Variants in SH3PXD2B observed in about 807,000 individuals in gnomAD.
SH3PXD2B encodes the protein SH3 and PX domain-containing protein 2B.
A neutral mutation model predicts 73.1 loss-of-function variants in SH3PXD2B; 37 were observed. The observed-to-expected ratio is 0.51, with a 90% CI of 0.39 to 0.67. SH3PXD2B has a LOEUF of 0.67. Ranked by LOEUF, SH3PXD2B falls within the 30% of genes least tolerant of loss-of-function variation. The pLI is 0.00. For synonymous variants in SH3PXD2B, 457 were observed against 480.5 expected (o/e 0.95, Z 0.64); for missense variants, 1,053 against 1,197.8 (o/e 0.88, Z 1.78).
At chr5:172,429,704 C>A (rs1206945495) in intron 1 of SH3PXD2B, among the ~76,000 whole-genome samples, 1 of 152,180 alleles carries the variant, frequency 6.6e-6, no homozygotes, top group Non-Finnish European at 1.5e-5. Context: ...TCTTCCAAAT[C>A]CCCGAGCCAG....
chr5:172,368,970 C>T (rs1199504423), intron 6 of SH3PXD2B, among the ~76,000 whole-genome samples: 2 of 148,776 alleles, frequency 1.3e-5, no homozygotes, highest in Non-Finnish European at 3.0e-5. Context: ...TCTCGGTTCA[C>T]TGCAACCACT....
At chr5:172,378,690 T>C (rs1466113636) in intron 5 of SH3PXD2B, among the ~76,000 whole-genome samples, 1 of 152,112 alleles carries the variant, frequency 6.6e-6, no homozygotes, top group African/African-American at 2.4e-5. Context: ...AGCAATTCTG[T>C]GAGGGAGGTG....
intron 6 of SH3PXD2B, among the ~76,000 whole-genome samples, chr5:172,366,571 C>T (rs1247124535): frequency 6.6e-6 from 1 of 152,204 alleles, no homozygotes; most frequent in Non-Finnish European, 1.5e-5. Flanking sequence ...TCTTAGCCTC[C>T]TAACTGGTCC....
intron 1 of SH3PXD2B, among the ~76,000 whole-genome samples, chr5:172,440,606 G>A (rs1419899855): frequency 6.6e-6 from 1 of 152,186 alleles, no homozygotes; most frequent in East Asian, 1.9e-4. Context: ...TCAAACCCGA[G>A]CTCCCACTTA....
intron 2 of SH3PXD2B, among the ~76,000 whole-genome samples, chr5:172,417,372 C>T (rs1490316453): frequency 6.6e-6 from 1 of 152,192 alleles, no homozygotes; most frequent in Non-Finnish European, 1.5e-5. Context: ...ACCAGCTGGA[C>T]ATCAACTGGC....
chr5:172,402,036 G>A (rs1017192826), intron 3 of SH3PXD2B, among the ~76,000 whole-genome samples: 2 of 152,188 alleles, frequency 1.3e-5, no homozygotes, highest in African/African-American at 4.8e-5. Context: ...AGAGCTGGGC[G>A]GAACAGAGCC....
At chr5:172,429,055 T>C (rs1759168561) in intron 1 of SH3PXD2B, among the ~76,000 whole-genome samples, 1 of 152,214 alleles carries the variant, frequency 6.6e-6, no homozygotes, top group Non-Finnish European at 1.5e-5. Context: ...GGTTCTAAGT[T>C]TCACGCGAGC....
chr5:172,386,722 T>C lies in SH3PXD2B; in HGVS notation c.310-4595A>G, dbSNP rs117708433. ...TCAGCTCACTGCAGTCTCCACCTCC[T>C]GGGCTCGAGATCCTCCCACCTCAGC... On this transcript the variant is annotated intron_variant, in intron 4 of 12. Transcript: ENST00000311601. Among the ~76,000 whole-genome samples the C allele has an allele frequency of 1.5e-3, 236 of 152,262 alleles. 4 individuals are homozygous for C. The East Asian group carries it at 0.033, about 21-fold the overall frequency.
At position 172,337,054 on chromosome 5, in the gene SH3PXD2B, G is replaced by C; in HGVS notation, c.*1315C>G. 1.0e-6 allele frequency: 1 copy of C among 985,236 alleles called. No individual in the cohort carries two copies. Among genetic ancestry groups the C allele is most frequent in the Non-Finnish European group, 1.2e-6 (1 of 830,000 alleles). The allele number at this position is 985,236 out of a possible 1,614,324, so 61.0% of individuals were successfully genotyped here. A position where few individuals can be genotyped will look rare whatever the true frequency, so the allele number is the denominator to read the frequency against. The stretch of plus-strand genomic sequence containing the variant: ...GGCCCTCGAGGCCACCTCAGCTCCC[G>C]TTGCTCCATAAGCTCTATTCCCCAG... On this transcript the variant is annotated 3_prime_UTR_variant, in exon 13 of 13. Transcript: ENST00000311601.
chr5:172,353,624 C>T lies in SH3PXD2B; in HGVS notation c.785+264G>A, dbSNP rs13187132. Among the ~76,000 whole-genome samples, 14,181 of 152,200 alleles carry T rather than the reference C, an allele frequency of 0.093. 817 individuals carry two copies. Among genetic ancestry groups the T allele is most frequent in the Non-Finnish European group, 0.13 (9,010 of 68,002 alleles). On this transcript the variant is annotated intron_variant, in intron 9 of 12. Coordinates refer to ENST00000311601, the MANE Select transcript of SH3PXD2B (RefSeq NM_001017995.3). The surrounding 1 kb of genome is among the most constrained non-coding windows in gnomAD (Gnocchi z 4.3). The stretch of plus-strand genomic sequence containing the variant: ...ATGAGAAACATCTGGAGGTGGAAAC[C>T]AGCCTTGCTTAATGGGGTTGCTGCT...
chr5:172,352,542 T>C (rs1239831847), intron 9 of SH3PXD2B, among the ~76,000 whole-genome samples: 2 of 152,186 alleles, frequency 1.3e-5, no homozygotes, highest in Non-Finnish European at 2.9e-5. Flanking sequence ...TGCTATTTGA[T>C]ATGGTTTGGC....
At chr5:172,401,760 GAAC>G (rs1561924183) in intron 3 of SH3PXD2B, among the ~76,000 whole-genome samples, 1 of 152,110 alleles carries the variant, frequency 6.6e-6, no homozygotes, top group African/African-American at 2.4e-5. Flanking sequence ...TGAACATACA[GAAC>G]AACAAATGTC....
intron 4 of SH3PXD2B, among the ~76,000 whole-genome samples, chr5:172,384,213 C>T (rs895082130): frequency 1.6e-4 from 24 of 152,242 alleles, no homozygotes; most frequent in East Asian, 7.7e-4. Context: ...GATGTGCCGA[C>T]GCTGCAGCAG....
At chr5:172,446,242 G>C (rs1759656931) in intron 1 of SH3PXD2B, among the ~76,000 whole-genome samples, 1 of 152,210 alleles carries the variant, frequency 6.6e-6, no homozygotes, top group Admixed American at 6.5e-5. Flanking sequence ...AGAAGGCTCA[G>C]GGCCAACAGT....
intron 6 of SH3PXD2B, among the ~76,000 whole-genome samples, chr5:172,365,967 G>T (rs1757511013): frequency 6.6e-6 from 1 of 152,200 alleles, no homozygotes; most frequent in Non-Finnish European, 1.5e-5. Flanking sequence ...CCTCAGGTGA[G>T]CTGGACCAGG....
At position 172,338,485 on chromosome 5, in the gene SH3PXD2B, T is replaced by C. The variant is rs760729490; in HGVS notation, c.2620A>G (p.Thr874Ala). 4 of 1,614,022 alleles carry C rather than the reference T, an allele frequency of 2.5e-6. No individual in the cohort carries two copies. The African/African-American group carries it at 4.0e-5, about 16-fold the overall frequency. Residue 874 changes from threonine (T) to alanine (A), a missense_variant, in exon 13 of 13, where the codon ACA becomes GCA. Around this residue, in one of 2 missense-constraint regions of SH3PXD2B, gnomAD observed 587 missense variants for 590.7 expected, o/e 0.99. Coordinates refer to ENST00000311601, the MANE Select transcript of SH3PXD2B (RefSeq NM_001017995.3). The surrounding 1 kb of genome is among the most constrained non-coding windows in gnomAD (Gnocchi z 5.1). Reference protein sequence around the residue: ...DKDTSSFQEGTVFEVREKNSS... With the variant: ...DKDTSSFQEGAVFEVREKNSS... ...TTCTTCTCCCGGACTTCAAACACTGTCCCTTCCTGGAAGCTGCTGGTGTCT... is the reference window on the plus strand; with the variant it reads ...TTCTTCTCCCGGACTTCAAACACTGCCCCTTCCTGGAAGCTGCTGGTGTCT...
chr5:172,339,787 G>C lies in SH3PXD2B; in HGVS notation c.1318C>G (p.Leu440Val). Residue 440 changes from leucine (L) to valine (V), a missense_variant, in exon 13 of 13, where the codon CTG becomes GTG. Transcript: ENST00000311601. This position sits in a 1 kb window ranked among gnomAD's most constrained non-coding sequence, Gnocchi z 6.1. Reference protein sequence around the residue: ...NASRPNFLAPLPHEVTQLRLG... With the variant: ...NASRPNFLAPVPHEVTQLRLG... ...CGGAGCTGGGTCACCTCGTGGGGCA[G>C]GGGAGCCAGAAAGTTGGGTCTCGAC... 1 of 1,613,316 alleles carries C rather than the reference G, an allele frequency of 6.2e-7. No individual in the cohort carries two copies. The highest frequency in any genetic ancestry group is 1.1e-5 in the South Asian group (1 of 91,080).
intron 1 of SH3PXD2B, among the ~76,000 whole-genome samples, chr5:172,426,440 C>T (rs979938202): frequency 3.9e-5 from 6 of 152,338 alleles, no homozygotes; most frequent in East Asian, 1.9e-4. Flanking sequence ...CAATAGCTAA[C>T]GGAGATGGGG....
intron 2 of SH3PXD2B, among the ~76,000 whole-genome samples, chr5:172,416,696 CTTTTTTTTTT>C (rs202242720): frequency 1.9e-3 from 121 of 62,250 alleles, no homozygotes; most frequent in Non-Finnish European, 3.2e-3. Context: ...CTCTCTCTCT[CTTTTTTTTTT>C]TTTTTTTTTT....
Sources: allele counts gnomAD v4.1 joint callset (sites outside exome capture counted in the v4.1 genomes callset), GRCh38; gene constraint gnomAD v4.1.1; regional missense constraint gnomAD v4.1.1; non-coding constraint Gnocchi (gnomAD v3.1); transcripts MANE v1.5; gene names NCBI Gene and HGNC (gene_info 2026-07-23, HGNC 2026-07-21).